GPC6: variants seen among roughly 807,000 people sequenced by gnomAD.
The protein encoded by GPC6 is glypican 6.
Under a neutral mutation model 55.2 loss-of-function variants are expected in GPC6, and 14 were observed. The observed-to-expected ratio is 0.25, with a 90% CI of 0.17 to 0.40. The LOEUF (loss-of-function observed/expected upper bound fraction) is 0.40. Ranked by LOEUF, GPC6 falls within the 10% of genes least tolerant of loss-of-function variation. The pLI, the probability that GPC6 is intolerant of heterozygous loss-of-function variation, is 1.00. For missense variants in GPC6, 641 were observed against 708.5 expected (o/e 0.90, Z 1.08); for synonymous variants, 278 against 259.6 (o/e 1.07, Z -0.68).
chr13:93,547,895 T>TAA (rs1874917785), intron 2 of GPC6, among the ~76,000 whole-genome samples: 2 of 152,166 alleles, frequency 1.3e-5, no homozygotes, highest in Admixed American at 1.3e-4. Flanking sequence ...CTGGTATGAT[T>TAA]TATTTTCTTT....
At chr13:94,316,464 T>C (rs913074536) in intron 6 of GPC6, among the ~76,000 whole-genome samples, 7 of 152,116 alleles carry the variant, frequency 4.6e-5, no homozygotes, top group Non-Finnish European at 8.8e-5. Context: ...ACGCCTGTAA[T>C]CCCAGCACTT....
chr13:93,704,590 T>C (rs1188102081), intron 2 of GPC6, among the ~76,000 whole-genome samples: 1 of 152,002 alleles, frequency 6.6e-6, no homozygotes, highest in African/African-American at 2.4e-5. Context: ...CAGAATCCTA[T>C]TGTTTTTACT....
intron 1 of GPC6, among the ~76,000 whole-genome samples, chr13:93,447,931 C>T (rs1313928231): frequency 6.6e-6 from 1 of 152,176 alleles, no homozygotes; most frequent in Admixed American, 6.5e-5. Flanking sequence ...CATGTGCATG[C>T]CGCTGTTCAT....
At position 93,989,767 on chromosome 13, in the gene GPC6, A is replaced by C. The variant is rs79797263; in HGVS notation, c.712-37962A>C. ...TATAAGGAGGCTTGGTTAAAGTAGA[A>C]TCCAAGACTCTGATTTAGTCAAGCT... On this transcript the variant is annotated intron_variant, in intron 3 of 8. Transcript: ENST00000377047. 3.3e-3 allele frequency among the ~76,000 whole-genome samples: 508 copies of C among 152,178 alleles called. 3 individuals are homozygous for C. Among genetic ancestry groups the C allele is most frequent in the African/African-American group, 0.012 (489 of 41,524 alleles).
At chr13:94,063,510 A>T (rs1884409130) in intron 4 of GPC6, among the ~76,000 whole-genome samples, 1 of 152,146 alleles carries the variant, frequency 6.6e-6, no homozygotes, top group Non-Finnish European at 1.5e-5. Flanking sequence ...AGGATAAATC[A>T]CTTTGTTAGT....
At chr13:93,516,242 C>A (rs1425464373) in intron 1 of GPC6, among the ~76,000 whole-genome samples, 8 of 152,162 alleles carry the variant, frequency 5.3e-5, no homozygotes, top group African/African-American at 1.9e-4. Flanking sequence ...TCAACTCTCT[C>A]CAGATGTGCA....
In GPC6 at chr13:93,227,535, G is replaced by T; in HGVS notation, c.79G>T (p.Ala27Ser). 2 of 1,613,666 alleles carry T rather than the reference G, an allele frequency of 1.2e-6. No individual in the cohort carries two copies. Among genetic ancestry groups the T allele is most frequent in the Middle Eastern group, 1.7e-4 (1 of 6,048 alleles). Reference protein sequence around the residue: ...LSLPAGADVKARSCGEVRQAY... With the variant: ...LSLPAGADVKSRSCGEVRQAY... ...CCTCCCCGCCGGGGCGGATGTGAAG[G>T]CTCGGAGCTGCGGAGAGGTCCGCCA... is the stretch of plus-strand genomic sequence containing the variant. Residue 27 changes from alanine (A) to serine (S), a missense_variant, in exon 1 of 9, where the codon GCT (alanine) becomes TCT (serine). Transcript: ENST00000377047. The surrounding 1 kb of genome is among the most constrained non-coding windows in gnomAD (Gnocchi z 4.3).
chr13:93,382,865 A>G (rs917027192), intron 1 of GPC6, among the ~76,000 whole-genome samples: 4 of 152,064 alleles, frequency 2.6e-5, no homozygotes, highest in African/African-American at 4.8e-5. Context: ...CTAAAGCAAT[A>G]TTTTCTTCAT....
At chr13:93,767,014 G>C (rs1885148666) in intron 2 of GPC6, among the ~76,000 whole-genome samples, 1 of 151,920 alleles carries the variant, frequency 6.6e-6, no homozygotes, top group Admixed American at 6.6e-5. Flanking sequence ...GTGACTCTGG[G>C]CTTCTTCTGC....
intron 2 of GPC6, among the ~76,000 whole-genome samples, chr13:93,707,921 G>C: frequency 6.6e-6 from 1 of 151,700 alleles, no homozygotes; most frequent in Non-Finnish European, 1.5e-5. Flanking sequence ...AGCCAGTAAC[G>C]AAATCAACAA....
chr13:93,924,993 G>A (rs549315770), intron 3 of GPC6, among the ~76,000 whole-genome samples: 1 of 152,082 alleles, frequency 6.6e-6, no homozygotes, highest in African/African-American at 2.4e-5. Flanking sequence ...AACATGAAAA[G>A]AGTTTGAAGT....
At chr13:93,318,654 G>T (rs563170467) in intron 1 of GPC6, among the ~76,000 whole-genome samples, 7 of 152,054 alleles carry the variant, frequency 4.6e-5, no homozygotes, top group African/African-American at 1.7e-4. Context: ...TTCTAGAGCA[G>T]AAGAAGTTGC....
chr13:94,133,267 C>CAAAAAAAAAAAAAAAAAAAAAAAAA (rs66499161), intron 4 of GPC6, among the ~76,000 whole-genome samples: 2 of 85,102 alleles, frequency 2.4e-5, no homozygotes, highest in Non-Finnish European at 4.3e-5. Flanking sequence ...TGACCAGTGA[C>CAAAAAAAAAAAAAAAAAAAAAAAAA]AAAAAAAAAA....
At chr13:93,943,345 A>C (rs1347608941) in intron 3 of GPC6, among the ~76,000 whole-genome samples, 17 of 152,270 alleles carry the variant, frequency 1.1e-4, no homozygotes, top group Non-Finnish European at 2.9e-5. Context: ...GAGTGGCTTA[A>C]CCCAATGAGA....
chr13:93,946,907 T>C (rs1441420958), intron 3 of GPC6, among the ~76,000 whole-genome samples: 1 of 152,210 alleles, frequency 6.6e-6, no homozygotes, highest in East Asian at 1.9e-4. Flanking sequence ...TTTTAAGATA[T>C]CTGGTCACAA....
At chr13:93,674,939 A>G (rs1424570306) in intron 2 of GPC6, among the ~76,000 whole-genome samples, 1 of 152,226 alleles carries the variant, frequency 6.6e-6, no homozygotes, top group African/African-American at 2.4e-5. Flanking sequence ...AAGTCTAAAA[A>G]GAAAAGGTGT....
At chr13:93,463,929 A>G (rs1454942926) in intron 1 of GPC6, among the ~76,000 whole-genome samples, 2 of 152,076 alleles carry the variant, frequency 1.3e-5, no homozygotes, top group Non-Finnish European at 2.9e-5. Context: ...TTATAAAGGC[A>G]TATCTCTGAG....
At chr13:93,682,391 C>T (rs1356686189) in intron 2 of GPC6, among the ~76,000 whole-genome samples, 2 of 152,052 alleles carry the variant, frequency 1.3e-5, no homozygotes, top group South Asian at 2.1e-4. Context: ...GCGACTGGAC[C>T]CTTATGCGTA....
At chr13:93,795,193 G>A (rs1886159068) in intron 2 of GPC6, among the ~76,000 whole-genome samples, 1 of 152,104 alleles carries the variant, frequency 6.6e-6, no homozygotes, top group South Asian at 2.1e-4. Flanking sequence ...TATATGTAGG[G>A]TAAAAAAAGA....
Sources: allele counts gnomAD v4.1 joint callset (sites outside exome capture counted in the v4.1 genomes callset), GRCh38; gene constraint gnomAD v4.1.1; non-coding constraint Gnocchi (gnomAD v3.1); transcripts MANE v1.5; gene names NCBI Gene and HGNC (gene_info 2026-07-23, HGNC 2026-07-21).